Variants in GARRE1 observed in about 807,000 individuals in gnomAD.
GARRE1 encodes the protein granule associated Rac and RHOG effector protein 1.
GARRE1 carries 49 observed loss-of-function variants against 103.2 expected under a neutral mutation model. The observed-to-expected ratio is 0.47, with a 90% confidence interval of 0.38 to 0.60. The LOEUF (loss-of-function observed/expected upper bound fraction) is 0.60. Among genes scored for constraint, GARRE1 ranks in the 20% least tolerant of loss-of-function variants. The pLI is 0.00. For missense variants in GARRE1, 1,199 were observed against 1,370.5 expected (o/e 0.87, Z 1.98); for synonymous variants, 505 against 532.8 (o/e 0.95, Z 0.72).
intron 1 of GARRE1, among the ~76,000 whole-genome samples, chr19:34,264,945 C>T (rs1191101561): frequency 6.6e-6 from 1 of 152,056 alleles, no homozygotes; most frequent in Admixed American, 6.6e-5. Flanking sequence ...TTCTAGGATT[C>T]GTGCCTAGAT....
At chr19:34,267,016 C>A (rs1260902205) in intron 1 of GARRE1, among the ~76,000 whole-genome samples, 1 of 152,070 alleles carries the variant, frequency 6.6e-6, no homozygotes, top group Non-Finnish European at 1.5e-5. Flanking sequence ...GTAATCCCAG[C>A]ACTTTGAAGG....
chr19:34,286,164 C>CAAACA (rs1885533591), intron 1 of GARRE1, among the ~76,000 whole-genome samples: 1 of 152,108 alleles, frequency 6.6e-6, no homozygotes, highest in Non-Finnish European at 1.5e-5. Context: ...AACAAACAAA[C>CAAACA]AAACAAAACA....
At chr19:34,299,237 A>T (rs114954908) in intron 1 of GARRE1, among the ~76,000 whole-genome samples, 214 of 152,068 alleles carry the variant, frequency 1.4e-3, no homozygotes, top group African/African-American at 4.9e-3. Context: ...TTTCGTAACA[A>T]CCTTTTTGAT....
In GARRE1 at chr19:34,341,754, C is replaced by T; in HGVS notation, c.1820C>T (p.Ala607Val). The change falls in exon 10 of 14, where the codon GCT becomes GTT. Residue 607 changes from alanine (A) to valine (V), a missense_variant. Transcript: ENST00000299505. Reference protein sequence around the residue: ...FPRTTDPSQSAQNSSNTVANG... With the variant: ...FPRTTDPSQSVQNSSNTVANG... ...AGGACTACAGACCCTTCACAGTCAGCTCAGAATTCCAGTAATACAGTGGCC... is the reference window on the plus strand; with the variant it reads ...AGGACTACAGACCCTTCACAGTCAGTTCAGAATTCCAGTAATACAGTGGCC... 1.2e-6 allele frequency: 2 copies of T among 1,614,234 alleles called. No homozygotes were observed. Among genetic ancestry groups the T allele is most frequent in the African/African-American group, 1.3e-5 (1 of 75,046 alleles).
At chr19:34,348,948 TTCA>T in intron 11 of GARRE1, 65 bp from the exon 12 acceptor site, 1 of 1,588,434 alleles carries the variant, frequency 6.3e-7, no homozygotes, top group Non-Finnish European at 8.5e-7. Flanking sequence ...GGACTGCCCT[TTCA>T]GGGTGGGGTG....
chr19:34,347,847 A>G (rs1568313232), intron 10 of GARRE1, 30 bp from the exon 11 acceptor site: 4 of 1,483,404 alleles, frequency 2.7e-6, no homozygotes, highest in Non-Finnish European at 3.6e-6. Flanking sequence ...TTTGTCCCCA[A>G]ACCCGGTTTA....
chr19:34,342,553 G>A, intron 10 of GARRE1, 98 bp downstream of exon 10: 1 of 1,125,466 alleles, frequency 8.9e-7, no homozygotes, highest in South Asian at 1.5e-5. Flanking sequence ...TTGTGAAGGT[G>A]AAATCATTTA....
intron 1 of GARRE1, among the ~76,000 whole-genome samples, chr19:34,255,681 T>C (rs1266051768): frequency 1.3e-5 from 2 of 151,874 alleles, no homozygotes. Context: ...GTCTTTTTTT[T>C]TTTTTTTTAA....
chr19:34,294,727 CAG>C (rs1483196324), intron 1 of GARRE1, among the ~76,000 whole-genome samples: 2 of 152,074 alleles, frequency 1.3e-5, no homozygotes, highest in African/African-American at 2.4e-5. Flanking sequence ...TATTTTCAGA[CAG>C]AGTCTCTCTC....
intron 2 of GARRE1, among the ~76,000 whole-genome samples, chr19:34,308,238 CTTTT>C (rs753284001): frequency 6.6e-4 from 66 of 99,486 alleles, no homozygotes; most frequent in Non-Finnish European, 1.1e-3. Context: ...CATCCTGTTC[CTTTT>C]TTTTTTTTTT....
intron 1 of GARRE1, among the ~76,000 whole-genome samples, chr19:34,254,982 G>A (rs921129356): frequency 5.9e-4 from 89 of 151,874 alleles, no homozygotes; most frequent in Admixed American, 1.4e-3. Flanking sequence ...AGGTCGCGCT[G>A]GCGCCAGGAC....
rs969589131 is a variant in GARRE1 at position 34,319,851 on chromosome 19, C to T, written c.496-56C>T. ...CAAGTTGGTCATTGAAAATTTACTG[C>T]GCGAATCCAACAGCAACCCACAACC... is the stretch of plus-strand genomic sequence containing the variant. On this transcript the variant is annotated intron_variant, in intron 2 of 13. Transcript: ENST00000299505. The T allele has an allele frequency of 4.4e-5, 65 of 1,488,310 alleles. No individual in the cohort carries two copies. The Middle Eastern group carries it at 5.2e-4, about 12-fold the overall frequency. The allele number at this position is 1,488,310 out of a possible 1,614,324, so 92.2% of individuals were successfully genotyped here. A position where few individuals can be genotyped will look rare whatever the true frequency, so the allele number is the denominator to read the frequency against.
At chr19:34,324,559 G>A (rs1317288352) in intron 3 of GARRE1, among the ~76,000 whole-genome samples, 1 of 150,328 alleles carries the variant, frequency 6.7e-6, no homozygotes, top group Non-Finnish European at 1.5e-5. Flanking sequence ...GCTGGAGTGC[G>A]GTAGTGATCA....
rs570492265 is a variant in GARRE1, at chr19:34,269,271, C to T, written c.-796+14657C>T. Reference sequence around the variant, plus strand: ...ACCACGTGGAAGCAGGTTGTTCCCACATGAGATTGGTAGCGAGCCGGTGCT... The same window carrying T: ...ACCACGTGGAAGCAGGTTGTTCCCATATGAGATTGGTAGCGAGCCGGTGCT... On this transcript the variant is annotated intron_variant, in intron 1 of 13. Coordinates refer to ENST00000299505, the MANE Select transcript of GARRE1 (RefSeq NM_014686.5). Among the ~76,000 whole-genome samples the T allele has an allele frequency of 5.3e-5, 8 of 152,348 alleles. No individual in the cohort carries two copies. The South Asian group carries it at 1.5e-3, about 28-fold the overall frequency.
At position 34,327,529 on chromosome 19, in the gene GARRE1, G is replaced by GA; in HGVS notation, c.816dup (p.Leu273ThrfsTer13). ...AGCAATTCCTGAGCACCAGCTAAAA[G>GA]AACTGAACATAAAAATCGACAGTGC... On this transcript the variant is annotated frameshift_variant, in exon 4 of 14. Transcript: ENST00000299505. LOFTEE classifies it high-confidence loss of function. 1 of 1,613,980 alleles carries GA rather than the reference G, an allele frequency of 6.2e-7. No homozygotes were observed. Among genetic ancestry groups the GA allele is most frequent in the Non-Finnish European group, 8.5e-7 (1 of 1,179,982 alleles).
chr19:34,312,275 G>A (rs1188847707), intron 2 of GARRE1, among the ~76,000 whole-genome samples: 1 of 152,152 alleles, frequency 6.6e-6, no homozygotes, highest in Non-Finnish European at 1.5e-5. Context: ...GTAGTTATGT[G>A]TATTTTTACT....
chr19:34,274,698 G>A (rs1230372688), intron 1 of GARRE1, among the ~76,000 whole-genome samples: 1 of 152,254 alleles, frequency 6.6e-6, no homozygotes, highest in East Asian at 1.9e-4. Context: ...AAACAGAGAG[G>A]GCATAGCACT....
intron 10 of GARRE1, among the ~76,000 whole-genome samples, chr19:34,343,708 G>A (rs1044936646): frequency 3.9e-5 from 6 of 152,140 alleles, no homozygotes; most frequent in African/African-American, 1.4e-4. Flanking sequence ...TTAGCTGGGT[G>A]TGGTGGCACA....
At chr19:34,316,734 A>G (rs1316439962) in intron 2 of GARRE1, among the ~76,000 whole-genome samples, 1 of 152,214 alleles carries the variant, frequency 6.6e-6, no homozygotes, top group Non-Finnish European at 1.5e-5. Flanking sequence ...TTTTGTTACA[A>G]TCATAATTTG....
Sources: gnomAD v4.1 joint callset for allele counts (sites outside exome capture counted in the v4.1 genomes callset) on GRCh38, gnomAD v4.1.1 for gene constraint, MANE v1.5 for transcripts, NCBI Gene and HGNC (gene_info 2026-07-23, HGNC 2026-07-21) for gene names.